The following PAK5 variants were observed in gnomAD, a reference collection of about 807,000 sequenced individuals.
The protein encoded by PAK5 is p21 (RAC1) activated kinase 5, also known as serine/threonine-protein kinase PAK 5.
Under a neutral mutation model 65.9 loss-of-function variants are expected in PAK5, and 16 were observed. That is an observed-to-expected ratio of 0.24 (90% CI 0.16 to 0.37). The LOEUF is 0.37. PAK5 is among the 10% of genes least tolerant of loss of function. The pLI is 1.00. For missense variants in PAK5, 785 were observed against 903.9 expected (o/e 0.87, Z 1.69); for synonymous variants, 371 against 354.9 (o/e 1.05, Z -0.51).
In PAK5 at chr20:9,838,141, G is replaced by A. The variant is rs1377403796; in HGVS notation, c.-162+621C>T. 6.6e-6 allele frequency among the ~76,000 whole-genome samples: 1 copy of A among 151,678 alleles called. No individual in the cohort carries two copies. The highest frequency in any genetic ancestry group is 2.4e-5 in the African/African-American group (1 of 41,206). On this transcript the variant is annotated intron_variant, in intron 1 of 9. Transcript: ENST00000353224. This position sits in a 1 kb window ranked among gnomAD's most constrained non-coding sequence, Gnocchi z 4.5. ...GCCCTGCTCACAAGGGTGCCCACAA[G>A]CAGAAGTTCTCTCTCTGTCTCTCCA...
chr20:9,539,585 C>T lies in PAK5; in HGVS notation c.2037G>A (p.Leu679=). ...VSSVLRGFLD[L]MLVREPSQRA... Reference sequence around the variant, plus strand: ...TCTGAGAGGGCTCCCTCACCAACATCAAGTCTAGGAATCCCCGGAGCACTG... The same window carrying T: ...TCTGAGAGGGCTCCCTCACCAACATTAAGTCTAGGAATCCCCGGAGCACTG... The change falls in exon 10 of 10, where the codon TTG becomes TTA. Residue 679 remains leucine (L), a synonymous_variant. Transcript: ENST00000353224. The T allele has an allele frequency of 6.2e-7, 1 of 1,613,656 alleles. No homozygotes were observed. The highest frequency in any genetic ancestry group is 1.3e-5 in the African/African-American group (1 of 75,040).
In PAK5 at chr20:9,580,998, C is replaced by CA. The variant is rs549187465; in HGVS notation, c.205-69dup. The CA allele has an allele frequency of 4.8e-4, 535 of 1,121,076 alleles. 3 individuals are homozygous for CA. The African/African-American group carries it at 5.2e-3, about 11-fold the overall frequency. 69.4% of individuals were successfully genotyped at this position (1,121,076 alleles called of 1,614,324 possible). A position where few individuals can be genotyped will look rare whatever the true frequency, so the allele number is the denominator to read the frequency against. ...TGGATTTAAATTGATGGTGGCATCC[C>CA]ACCCCCACTCCATCCAAATTAAACT... On this transcript the variant is annotated intron_variant, in intron 3 of 9. Transcript: ENST00000353224.
intron 1 of PAK5, among the ~76,000 whole-genome samples, chr20:9,757,445 C>A (rs1354960351): frequency 4.6e-5 from 7 of 152,158 alleles, no homozygotes. Context: ...CAAATACAGA[C>A]TTTAACCCCA....
intron 8 of PAK5, among the ~76,000 whole-genome samples, chr20:9,542,940 A>G (rs1017217653): frequency 1.8e-4 from 27 of 152,250 alleles, no homozygotes; most frequent in Non-Finnish European, 2.9e-5. Context: ...CCCATCAGAC[A>G]TAAATGAATA....
At chr20:9,571,534 G>A (rs1162731523) in intron 4 of PAK5, among the ~76,000 whole-genome samples, 1 of 152,222 alleles carries the variant, frequency 6.6e-6, no homozygotes, top group African/African-American at 2.4e-5. Context: ...AGGGCGCCCA[G>A]CACACTGGCC....
intron 1 of PAK5, among the ~76,000 whole-genome samples, chr20:9,756,025 CCACAGGGCCTGTG>C (rs1178948441): frequency 6.6e-6 from 1 of 152,062 alleles, no homozygotes; most frequent in Non-Finnish European, 1.5e-5. Flanking sequence ...CACTGAGGGG[CCACAGGGCCTGTG>C]CTGGCCCACA....
At chr20:9,728,738 C>T (rs1278437358) in intron 1 of PAK5, among the ~76,000 whole-genome samples, 2 of 148,120 alleles carry the variant, frequency 1.4e-5, no homozygotes, top group South Asian at 4.4e-4. Flanking sequence ...AAACTACAGC[C>T]CATGGCCAAA....
chr20:9,633,725 A>T (rs547624225), intron 3 of PAK5, among the ~76,000 whole-genome samples: 1 of 152,300 alleles, frequency 6.6e-6, no homozygotes, highest in Non-Finnish European at 1.5e-5. Context: ...CCCTCAGTAT[A>T]TGCGGTCCCT....
intron 3 of PAK5, among the ~76,000 whole-genome samples, chr20:9,615,683 T>C (rs2046642715): frequency 6.6e-6 from 1 of 152,208 alleles, no homozygotes; most frequent in African/African-American, 2.4e-5. Context: ...AAACAACTCT[T>C]TGATTTTGCA....
At chr20:9,614,218 G>A (rs972432591) in intron 3 of PAK5, among the ~76,000 whole-genome samples, 4 of 152,164 alleles carry the variant, frequency 2.6e-5, no homozygotes, top group African/African-American at 9.7e-5. Context: ...TGCTTCTCAC[G>A]GGCTCATTAG....
chr20:9,550,545 G>A (rs2045410927), intron 7 of PAK5, among the ~76,000 whole-genome samples: 1 of 152,004 alleles, frequency 6.6e-6, no homozygotes, highest in African/African-American at 2.4e-5. Context: ...TGAAAGACTG[G>A]GTTTATAAAG....
chr20:9,748,588 A>G, intron 1 of PAK5, among the ~76,000 whole-genome samples: 1 of 152,162 alleles, frequency 6.6e-6, no homozygotes, highest in South Asian at 2.1e-4. Flanking sequence ...GTACTCTTCA[A>G]ATTGACATAT....
In PAK5 at chr20:9,571,877, G is replaced by T. The variant is rs553835534; in HGVS notation, c.991-5493C>A. Among the ~76,000 whole-genome samples, 76 of 146,152 alleles carry T rather than the reference G, an allele frequency of 5.2e-4. 1 individual carries two copies. In the South Asian group the frequency reaches 0.011, roughly 22 times the overall value. ...TCACAGAGATAGGCATGAATGATGG[G>T]GGGGGGGGATGTGGTCTTAACAGGG... On this transcript the variant is annotated intron_variant, in intron 4 of 9. Transcript: ENST00000353224.
intron 1 of PAK5, among the ~76,000 whole-genome samples, chr20:9,752,428 G>A (rs1267351360): frequency 6.6e-6 from 1 of 152,080 alleles, no homozygotes; most frequent in African/African-American, 2.4e-5. Flanking sequence ...ATTAGGGATG[G>A]CCAAGAGTGG....
chr20:9,766,117 G>A (rs2048755027), intron 1 of PAK5, among the ~76,000 whole-genome samples: 1 of 151,714 alleles, frequency 6.6e-6, no homozygotes. Context: ...AGCTACTCGG[G>A]AGGCTGGGGC....
chr20:9,745,122 T>G (rs2048491509), intron 1 of PAK5, among the ~76,000 whole-genome samples: 1 of 152,162 alleles, frequency 6.6e-6, no homozygotes, highest in Non-Finnish European at 1.5e-5. Context: ...CAAAGCTAAC[T>G]ATAAGTAATA....
At chr20:9,665,458 C>T (rs1457829332) in intron 2 of PAK5, among the ~76,000 whole-genome samples, 4 of 151,878 alleles carry the variant, frequency 2.6e-5, no homozygotes, top group African/African-American at 4.8e-5. Context: ...TTAAGATAAG[C>T]GGAAATTATG....
chr20:9,718,685 A>T (rs144378345), intron 1 of PAK5, among the ~76,000 whole-genome samples: 27 of 152,316 alleles, frequency 1.8e-4, no homozygotes, highest in African/African-American at 6.0e-4. Context: ...TCAACATACA[A>T]CATATTTTTT....
chr20:9,565,873 G>T lies in PAK5; in HGVS notation c.1482+20C>A, dbSNP rs375434466. On this transcript the variant is annotated intron_variant, in intron 5 of 9. Coordinates refer to ENST00000353224, the MANE Select transcript of PAK5 (RefSeq NM_177990.4). ...AAATGTTACAAAGGAGAGAAAGGAT[G>T]ACCCAAACACACTCTTTACCTCATT... 2 of 1,588,788 alleles carry T rather than the reference G, an allele frequency of 1.3e-6. No homozygotes were observed. The highest frequency in any genetic ancestry group is 2.3e-5 in the South Asian group (2 of 88,584).
Sources: allele counts gnomAD v4.1 joint callset (sites outside exome capture counted in the v4.1 genomes callset), GRCh38; gene constraint gnomAD v4.1.1; non-coding constraint Gnocchi (gnomAD v3.1); transcripts MANE v1.5; gene names NCBI Gene and HGNC (gene_info 2026-07-23, HGNC 2026-07-21).